GRIP1: variants seen among roughly 807,000 people sequenced by gnomAD.
GRIP1 encodes glutamate receptor-interacting protein 1.
GRIP1 carries 45 observed loss-of-function variants against 129.9 expected under a neutral mutation model. That is an observed-to-expected ratio of 0.35 (90% CI 0.27 to 0.44). The LOEUF (loss-of-function observed/expected upper bound fraction) is 0.44, where lower values mean the gene tolerates loss of function less well. GRIP1 is among the 20% of genes least tolerant of loss of function. GRIP1 has a pLI of 1.00. For missense variants in GRIP1, 1,196 were observed against 1,396.8 expected (o/e 0.86, Z 2.29); for synonymous variants, 530 against 520.8 (o/e 1.02, Z -0.24).
chr12:66,941,702 C>T (rs1435934690), intron 1 of GRIP1, among the ~76,000 whole-genome samples: 1 of 152,108 alleles, frequency 6.6e-6, no homozygotes, highest in Non-Finnish European at 1.5e-5. Context: ...TCATTTCATA[C>T]CACCCCTGAG....
intron 1 of GRIP1, among the ~76,000 whole-genome samples, chr12:66,924,434 T>C (rs2041263673): frequency 6.6e-6 from 1 of 152,206 alleles, no homozygotes; most frequent in Non-Finnish European, 1.5e-5. Context: ...GACAGAGATG[T>C]GTCTGTGCAA....
intron 1 of GRIP1, among the ~76,000 whole-genome samples, chr12:66,865,295 C>G (rs1475451399): frequency 1.3e-5 from 2 of 152,062 alleles, no homozygotes; most frequent in African/African-American, 4.8e-5. Flanking sequence ...TGGACTAAAT[C>G]AAGATTTACT....
chr12:66,397,237 C>T (rs751265427), intron 16 of GRIP1, among the ~76,000 whole-genome samples: 3 of 149,912 alleles, frequency 2.0e-5, no homozygotes, highest in Non-Finnish European at 3.0e-5. Context: ...ATTGGCCAGG[C>T]GCAGTGGCTC....
At chr12:66,775,174 T>G (rs1345413576) in intron 1 of GRIP1, among the ~76,000 whole-genome samples, 1 of 152,146 alleles carries the variant, frequency 6.6e-6, no homozygotes, top group South Asian at 2.1e-4. Flanking sequence ...TAGTGGATGT[T>G]TTTAAGGAGC....
intron 1 of GRIP1, among the ~76,000 whole-genome samples, chr12:66,791,285 A>G (rs945083726): frequency 6.6e-5 from 10 of 152,196 alleles, no homozygotes; most frequent in Non-Finnish European, 1.2e-4. Context: ...CTCTATCTTC[A>G]GTTCAGAGTG....
chr12:66,457,903 C>A (rs750546364), intron 9 of GRIP1, among the ~76,000 whole-genome samples: 4 of 152,226 alleles, frequency 2.6e-5, no homozygotes, highest in Admixed American at 6.5e-5. Context: ...ATCATGAAAT[C>A]ATCTACCTCA....
At chr12:66,844,810 T>C (rs370642981) in intron 1 of GRIP1, among the ~76,000 whole-genome samples, 11 of 152,288 alleles carry the variant, frequency 7.2e-5, no homozygotes, top group African/African-American at 2.6e-4. Context: ...ACAGATGCTG[T>C]AACATGGGTG....
chr12:66,984,622 TAGA>T (rs1364703352), intron 1 of GRIP1, among the ~76,000 whole-genome samples: 1 of 152,286 alleles, frequency 6.6e-6, no homozygotes, highest in East Asian at 1.9e-4. Context: ...GCCCAGGAAC[TAGA>T]AGGTGAGAGA....
At chr12:66,530,936 A>G (rs989189032) in intron 4 of GRIP1, among the ~76,000 whole-genome samples, 2 of 151,876 alleles carry the variant, frequency 1.3e-5, no homozygotes, top group African/African-American at 4.8e-5. Flanking sequence ...TAAAACTATC[A>G]GCAAAAAGTA....
intron 8 of GRIP1, among the ~76,000 whole-genome samples, chr12:66,464,924 T>TAAAGGGGC (rs66767907): frequency 0.26 from 38,495 of 147,250 alleles, 6,241 homozygotes; most frequent in African/African-American, 0.43. Context: ...TGCAATTTTG[T>TAAAGGGGC]AAAGGGGCAC....
upstream of GRIP1, chr12:67,069,208 G>T (rs2043691990): frequency 1.5e-6 from 1 of 678,156 alleles, no homozygotes; most frequent in African/African-American, 2.0e-5. Flanking sequence ...GGGCAGCCGC[G>T]CCGGGGCTGT....
At chr12:66,511,453 G>A (rs1013100607) in intron 7 of GRIP1, among the ~76,000 whole-genome samples, 1 of 152,042 alleles carries the variant, frequency 6.6e-6, no homozygotes, top group African/African-American at 2.4e-5. Flanking sequence ...TCTTAAAATG[G>A]CACCTATTAT....
intron 1 of GRIP1, among the ~76,000 whole-genome samples, chr12:66,708,388 T>C (rs750323762): frequency 2.0e-5 from 3 of 151,808 alleles, no homozygotes; most frequent in Admixed American, 6.6e-5. Context: ...TAATGAAGAG[T>C]GTCTTTAAGG....
intron 7 of GRIP1, among the ~76,000 whole-genome samples, chr12:66,513,384 T>A (rs1414477672): frequency 6.6e-6 from 1 of 152,152 alleles, no homozygotes; most frequent in Non-Finnish European, 1.5e-5. Context: ...TTTGCGATTT[T>A]AAATAGAATT....
chr12:66,694,505 C>T (rs963280699), intron 1 of GRIP1, among the ~76,000 whole-genome samples: 6 of 152,044 alleles, frequency 3.9e-5, no homozygotes, highest in African/African-American at 1.4e-4. Context: ...TGCCAGCTCA[C>T]AGTAAATGCT....
chr12:66,673,414 T>C (rs1299976064), intron 1 of GRIP1, among the ~76,000 whole-genome samples: 1 of 152,194 alleles, frequency 6.6e-6, no homozygotes, highest in Admixed American at 6.5e-5. Context: ...TTCCCAGTAA[T>C]GAACCAGATA....
In GRIP1 at chr12:67,050,989, CTT is replaced by C. The variant is rs555741935; in HGVS notation, c.58+18059_58+18060del. On this transcript the variant is annotated intron_variant, in intron 1 of 1. Coordinates refer to the GRIP1 transcript ENST00000643019. ...AAAAGCTAAAATCAGTATCCTGAGA[CTT>C]AGGCAGATACTGAACAAAGCATGCA... 2.0e-4 allele frequency among the ~76,000 whole-genome samples: 31 copies of C among 152,240 alleles called. 1 individual carries two copies. The East Asian group carries it at 3.9e-3, about 19-fold the overall frequency.
At chr12:66,638,463 A>C (rs566162873) in intron 1 of GRIP1, among the ~76,000 whole-genome samples, 13 of 152,202 alleles carry the variant, frequency 8.5e-5, no homozygotes, top group East Asian at 7.7e-4. Flanking sequence ...AGTTCTTCTT[A>C]ATCAAACCCC....
chr12:66,710,826 G>A (rs2035689427), intron 1 of GRIP1, among the ~76,000 whole-genome samples: 1 of 151,892 alleles, frequency 6.6e-6, no homozygotes, highest in African/African-American at 2.4e-5. Flanking sequence ...TTAGGGGGAA[G>A]AGATACAATA....
Sources: allele counts gnomAD v4.1 joint callset (sites outside exome capture counted in the v4.1 genomes callset), GRCh38; gene constraint gnomAD v4.1.1; transcripts MANE v1.5; gene names NCBI Gene and HGNC (gene_info 2026-07-23, HGNC 2026-07-21).